The following MYO5B variants were observed in gnomAD, a reference collection of about 807,000 sequenced individuals.
The protein encoded by MYO5B is unconventional myosin-Vb.
Under a neutral mutation model 229.3 loss-of-function variants are expected in MYO5B, and 143 were observed. The ratio of observed to expected loss-of-function variants is 0.62; its 90% CI spans 0.54 to 0.72. The LOEUF (loss-of-function observed/expected upper bound fraction) is 0.72, where lower values mean the gene tolerates loss of function less well. Ranked by LOEUF, MYO5B falls within the 30% of genes least tolerant of loss-of-function variation. The probability of loss-of-function intolerance (pLI) is 0.00; values close to 1 mark genes in which losing one functional copy is unlikely to be tolerated. For missense variants in MYO5B, 2,321 were observed against 2,331.0 expected (o/e 1.00, Z 0.09); for synonymous variants, 918 against 885.2 (o/e 1.04, Z -0.66).
At chr18:50,008,620 G>T (rs1052424865) in intron 4 of MYO5B, among the ~76,000 whole-genome samples, 9 of 152,152 alleles carry the variant, frequency 5.9e-5, no homozygotes, top group African/African-American at 2.2e-4. Flanking sequence ...CTCCCTGAGA[G>T]GATGAAGAGG....
intron 14 of MYO5B, among the ~76,000 whole-genome samples, chr18:49,938,629 T>C (rs1023523109): frequency 6.6e-6 from 1 of 152,026 alleles, no homozygotes; most frequent in African/African-American, 2.4e-5. Flanking sequence ...CTCCTGCCAT[T>C]GTGTCTGAAA....
At chr18:50,072,933 C>CA (rs2030992975) in intron 1 of MYO5B, among the ~76,000 whole-genome samples, 2 of 152,064 alleles carry the variant, frequency 1.3e-5, no homozygotes, top group Non-Finnish European at 2.9e-5. Flanking sequence ...GGAAAGGGCC[C>CA]AACTAGGCCA....
At chr18:49,929,696 A>C in intron 16 of MYO5B, 98 bp from the exon 17 acceptor site, 4 of 1,056,448 alleles carry the variant, frequency 3.8e-6, no homozygotes, top group Non-Finnish European at 5.6e-6. Context: ...GCAGCATGTG[A>C]AGTACCTGCT....
chr18:49,991,703 T>C (rs2025934648), intron 6 of MYO5B, among the ~76,000 whole-genome samples: 1 of 152,106 alleles, frequency 6.6e-6, no homozygotes, highest in Admixed American at 6.5e-5. Context: ...AGGGATAGCA[T>C]TAGGAGAAAT....
In MYO5B at chr18:49,924,455, T is replaced by C. The variant is rs545165777; in HGVS notation, c.2090+5057A>G. ...GCCAAGAAGTGTGGGAGTCAATACT[T>C]GAATCCAGGCCTGACTCCAAAGTCC... On this transcript the variant is annotated intron_variant, in intron 17 of 39. Transcript: ENST00000285039. Among the ~76,000 whole-genome samples the C allele has an allele frequency of 1.1e-4, 16 of 152,268 alleles. No homozygotes were observed. The South Asian group carries it at 3.3e-3, about 32-fold the overall frequency.
chr18:50,041,476 G>GA (rs2030012919), intron 2 of MYO5B, among the ~76,000 whole-genome samples: 1 of 152,074 alleles, frequency 6.6e-6, no homozygotes, highest in Non-Finnish European at 1.5e-5. Context: ...ATCAAGTGTA[G>GA]TAGATACAGA....
intron 39 of MYO5B, among the ~76,000 whole-genome samples, chr18:49,833,304 G>A (rs533158684): frequency 2.0e-5 from 3 of 152,158 alleles, no homozygotes; most frequent in Non-Finnish European, 2.9e-5. Context: ...AAAAAGCCCA[G>A]AGCGCCCAAG....
At chr18:50,125,126 CA>C (rs1203736550) in intron 1 of MYO5B, among the ~76,000 whole-genome samples, 1 of 152,138 alleles carries the variant, frequency 6.6e-6, no homozygotes, top group Non-Finnish European at 1.5e-5. Flanking sequence ...TGGTATTGAA[CA>C]GAGCGCAAAC....
At chr18:49,850,000 C>T in intron 31 of MYO5B, 2 of 378,880 alleles carry the variant, frequency 5.3e-6, no homozygotes, top group Admixed American at 3.7e-5. Flanking sequence ...CCTAGGAGTC[C>T]CAGGGTGGGG....
intron 2 of MYO5B, among the ~76,000 whole-genome samples, chr18:50,049,982 C>T (rs1443267901): frequency 6.6e-6 from 1 of 152,020 alleles, no homozygotes; most frequent in African/African-American, 2.4e-5. Flanking sequence ...TGTATTTTAC[C>T]ACAATTTTTT....
In MYO5B at chr18:50,170,969, G is replaced by A. The variant is rs1306681025; in HGVS notation, c.27+23798C>T. Among the ~76,000 whole-genome samples, 8 of 127,240 alleles carry A rather than the reference G, an allele frequency of 6.3e-5. 2 individuals are homozygous for A. Among genetic ancestry groups the A allele is most frequent in the South Asian group, 2.7e-4 (1 of 3,666 alleles). 83.5% of individuals were successfully genotyped at this position (127,240 alleles called of 152,430 possible). On this transcript the variant is annotated intron_variant, in intron 1 of 39. Transcript: ENST00000285039. ...CAGAAGTGAAGAGCTGCAAAATCCC[G>A]TTACCCCGTGGTGAACCCACACCTG...
intron 32 of MYO5B, 87 bp downstream of exon 32, chr18:49,849,480 T>C: frequency 1.1e-6 from 1 of 941,682 alleles, no homozygotes; most frequent in South Asian, 1.3e-5. Flanking sequence ...AGGAAGAATG[T>C]GCAGAGGGCA....
chr18:50,058,119 C>G (rs1435062921), intron 1 of MYO5B, among the ~76,000 whole-genome samples: 2 of 152,158 alleles, frequency 1.3e-5, no homozygotes, highest in Non-Finnish European at 2.9e-5. Flanking sequence ...AGGAACACAG[C>G]CATATTCATT....
At chr18:49,854,559 G>A (rs2024238580) in intron 30 of MYO5B, among the ~76,000 whole-genome samples, 2 of 152,208 alleles carry the variant, frequency 1.3e-5, no homozygotes, top group African/African-American at 2.4e-5. Flanking sequence ...GGCTTCATAT[G>A]GAAGAAAGCT....
intron 4 of MYO5B, among the ~76,000 whole-genome samples, chr18:50,035,766 G>A (rs1291965879): frequency 6.6e-6 from 1 of 152,194 alleles, no homozygotes; most frequent in African/African-American, 2.4e-5. Context: ...ACTCTTTGGA[G>A]AAATAAAATA....
intron 1 of MYO5B, among the ~76,000 whole-genome samples, chr18:50,132,760 T>A (rs1490814522): frequency 6.6e-6 from 1 of 152,318 alleles, no homozygotes; most frequent in South Asian, 2.1e-4. Flanking sequence ...TTAAACATAG[T>A]TAAGTGGGAG....
chr18:50,091,724 G>A (rs2031452843), intron 1 of MYO5B, among the ~76,000 whole-genome samples: 1 of 152,148 alleles, frequency 6.6e-6, no homozygotes, highest in Non-Finnish European at 1.5e-5. Flanking sequence ...CCTGTTACAT[G>A]TATCTCAGCA....
chr18:49,888,500 G>A (rs975178141), intron 22 of MYO5B, among the ~76,000 whole-genome samples: 14 of 152,172 alleles, frequency 9.2e-5, no homozygotes, highest in African/African-American at 3.1e-4. Flanking sequence ...GTGCCTAAAG[G>A]TCTGGGAGGA....
At chr18:50,085,001 C>T (rs113874099) in intron 1 of MYO5B, among the ~76,000 whole-genome samples, 13,047 of 151,770 alleles carry the variant, frequency 0.086, 976 homozygotes, top group African/African-American at 0.2. Flanking sequence ...GACATAGGCA[C>T]GGGCAAGGAC....
Sources: gnomAD v4.1 joint callset for allele counts (sites outside exome capture counted in the v4.1 genomes callset) on GRCh38, gnomAD v4.1.1 for gene constraint, MANE v1.5 for transcripts, NCBI Gene and HGNC (gene_info 2026-07-23, HGNC 2026-07-21) for gene names.